The following ADAMTS6 variants were observed in gnomAD, a reference collection of about 807,000 sequenced individuals.
ADAMTS6 encodes the protein A disintegrin and metalloproteinase with thrombospondin motifs 6.
ADAMTS6 carries 23 observed loss-of-function variants against 144.3 expected under a neutral mutation model. The observed-to-expected ratio is 0.16, with a 90% CI of 0.11 to 0.23. ADAMTS6 has a LOEUF of 0.23. Among genes scored for constraint, ADAMTS6 ranks in the 10% least tolerant of loss-of-function variants. The pLI is 1.00. For missense variants in ADAMTS6, 999 were observed against 1,379.6 expected (o/e 0.72, Z 4.37); for synonymous variants, 444 against 457.5 (o/e 0.97, Z 0.38).
intron 7 of ADAMTS6, among the ~76,000 whole-genome samples, chr5:65,337,635 C>T (rs1747428957): frequency 6.6e-6 from 1 of 152,082 alleles, no homozygotes; most frequent in African/African-American, 2.4e-5. Context: ...AGTCGTCTCC[C>T]ATCTTATATT....
At chr5:65,199,434 A>G (rs1755595905) in intron 20 of ADAMTS6, among the ~76,000 whole-genome samples, 1 of 152,188 alleles carries the variant, frequency 6.6e-6, no homozygotes, top group Non-Finnish European at 1.5e-5. Context: ...TGAATCATAG[A>G]TGAGATATGA....
At chr5:65,411,027 C>T (rs539471148) in intron 7 of ADAMTS6, among the ~76,000 whole-genome samples, 7 of 152,042 alleles carry the variant, frequency 4.6e-5, no homozygotes, top group South Asian at 2.1e-4. Context: ...TTTGTAGAAA[C>T]GGGTCTTGCC....
chr5:65,333,978 A>G, intron 8 of ADAMTS6, 64 bp downstream of exon 8: 3 of 1,322,574 alleles, frequency 2.3e-6, no homozygotes, highest in Non-Finnish European at 2.9e-6. Context: ...AAAGACAATC[A>G]GAACCATTCT....
chr5:65,321,964 C>T (rs1477433013), intron 9 of ADAMTS6, among the ~76,000 whole-genome samples: 1 of 151,994 alleles, frequency 6.6e-6, no homozygotes, highest in Non-Finnish European at 1.5e-5. Context: ...GATTCACCCG[C>T]CTCAGCCTCC....
intron 14 of ADAMTS6, among the ~76,000 whole-genome samples, chr5:65,253,593 AAAAG>A (rs1358733664): frequency 6.6e-6 from 1 of 152,144 alleles, no homozygotes; most frequent in East Asian, 1.9e-4. Context: ...CTGGTTTGAT[AAAAG>A]AAAGGTATAT....
intron 7 of ADAMTS6, among the ~76,000 whole-genome samples, chr5:65,450,569 A>G (rs1390073278): frequency 6.6e-6 from 1 of 152,158 alleles, no homozygotes; most frequent in Non-Finnish European, 1.5e-5. Flanking sequence ...CTTATTGTTT[A>G]TTGTTACTTT....
intron 3 of ADAMTS6, among the ~76,000 whole-genome samples, chr5:65,464,416 G>T (rs768406409): frequency 2.6e-5 from 4 of 152,084 alleles, no homozygotes; most frequent in Admixed American, 1.3e-4. Context: ...ATTTTTAAAA[G>T]AATGCAAAAA....
intron 7 of ADAMTS6, among the ~76,000 whole-genome samples, chr5:65,427,355 G>C (rs1179007255): frequency 6.6e-6 from 1 of 151,712 alleles, no homozygotes; most frequent in African/African-American, 2.4e-5. Flanking sequence ...CCAGGCTGGA[G>C]TGCCAAGGCA....
At chr5:65,458,269 T>C (rs1019441260) in intron 4 of ADAMTS6, among the ~76,000 whole-genome samples, 12 of 152,064 alleles carry the variant, frequency 7.9e-5, no homozygotes, top group African/African-American at 2.9e-4. Context: ...GCCTCAGAGA[T>C]TACTCAAGAA....
intron 11 of ADAMTS6, among the ~76,000 whole-genome samples, chr5:65,283,637 G>A (rs186068120): frequency 1.3e-5 from 2 of 152,194 alleles, no homozygotes; most frequent in African/African-American, 4.8e-5. Context: ...AAAGAATATT[G>A]AGGTGCTAAA....
intron 11 of ADAMTS6, among the ~76,000 whole-genome samples, chr5:65,279,164 T>C (rs1292468019): frequency 2.0e-5 from 3 of 152,098 alleles, no homozygotes; most frequent in Admixed American, 2.0e-4. Context: ...AAGCTGGTCT[T>C]GAACTCCTGA....
At chr5:65,245,100 T>C (rs1057498844) in intron 14 of ADAMTS6, among the ~76,000 whole-genome samples, 1 of 152,118 alleles carries the variant, frequency 6.6e-6, no homozygotes, top group Non-Finnish European at 1.5e-5. Flanking sequence ...AGGCAACATA[T>C]TCACACAAAC....
intron 7 of ADAMTS6, among the ~76,000 whole-genome samples, chr5:65,347,677 C>T (rs1326163098): frequency 2.0e-5 from 3 of 152,028 alleles, no homozygotes; most frequent in African/African-American, 7.2e-5. Context: ...GAAAAAGCTT[C>T]TGCACAGCAA....
At chr5:65,248,678 T>C (rs56083835) in intron 14 of ADAMTS6, among the ~76,000 whole-genome samples, 12,087 of 151,928 alleles carry the variant, frequency 0.08, 534 homozygotes, top group East Asian at 0.11. Flanking sequence ...TTCCAGCTAC[T>C]TGGGAGGTTG....
intron 17 of ADAMTS6, 61 bp from the exon 18 acceptor site, chr5:65,224,461 C>T (rs569792402): frequency 2.9e-5 from 39 of 1,364,886 alleles, no homozygotes; most frequent in Middle Eastern, 1.8e-4. Flanking sequence ...TATTTGGTAA[C>T]CATTCAATAG....
At chr5:65,169,463 T>C (rs1199740351) in intron 24 of ADAMTS6, among the ~76,000 whole-genome samples, 7 of 134,628 alleles carry the variant, frequency 5.2e-5, no homozygotes, top group Non-Finnish European at 4.7e-5. Context: ...TCAACCATTG[T>C]GGAAGTCAGT....
rs1201716230 is a variant in ADAMTS6 at position 65,262,885 on chromosome 5, T to C, written c.1698A>G (p.Leu566=). Residue 566 remains leucine, a synonymous_variant, in exon 13 of 25, where the codon CTA becomes CTG. Coordinates refer to ENST00000381055, the MANE Select transcript of ADAMTS6 (RefSeq NM_197941.4). Reference sequence around the variant, plus strand: ...CGCAGGTCCTGCTGCACTCTCCCCATAGTGACCAGGGACCCCAGCCCCCAT... The same window carrying C: ...CGCAGGTCCTGCTGCACTCTCCCCACAGTGACCAGGGACCCCAGCCCCCAT... ...SIDGGWGPWS[L]WGECSRTCGG... 3.1e-6 allele frequency: 5 copies of C among 1,611,826 alleles called. No homozygotes were observed. The East Asian group carries it at 6.7e-5, about 22-fold the overall frequency.
intron 13 of ADAMTS6, among the ~76,000 whole-genome samples, chr5:65,262,320 C>T (rs1210749640): frequency 6.6e-6 from 1 of 152,200 alleles, no homozygotes; most frequent in African/African-American, 2.4e-5. Context: ...TGAATGGAAA[C>T]TATTTTAACA....
At chr5:65,454,014 G>A (rs1474203709) in intron 4 of ADAMTS6, among the ~76,000 whole-genome samples, 4 of 152,138 alleles carry the variant, frequency 2.6e-5, no homozygotes, top group African/African-American at 9.7e-5. Context: ...AAAACTTGAA[G>A]TCTCCACCCT....
Sources: allele counts gnomAD v4.1 joint callset (sites outside exome capture counted in the v4.1 genomes callset), GRCh38; gene constraint gnomAD v4.1.1; transcripts MANE v1.5; gene names NCBI Gene and HGNC (gene_info 2026-07-23, HGNC 2026-07-21).